USP9Y: variants seen among roughly 807,000 people sequenced by gnomAD.
USP9Y encodes ubiquitin specific peptidase 9 Y-linked, also known as ubiquitin carboxyl-terminal hydrolase 9Y.
In USP9Y, 41 loss-of-function variants were observed where a neutral mutation model predicts 53.1. That is an observed-to-expected ratio of 0.77 (90% CI 0.60 to 1.00). The LOEUF (loss-of-function observed/expected upper bound fraction) is 1.00. Ranked by LOEUF, USP9Y falls within the 50% of genes least tolerant of loss-of-function variation. USP9Y has a pLI of 0.00. For missense variants in USP9Y, 567 were observed against 535.8 expected (o/e 1.06, Z -0.58); for synonymous variants, 220 against 173.7 (o/e 1.27, Z -2.09).
intron 27 of USP9Y, among the ~76,000 whole-genome samples, chrY:12,800,008 C>T (rs111666238): frequency 3.0e-5 from 1 of 33,392 alleles, no homozygotes; most frequent in Non-Finnish European, 7.4e-5. Context: ...TCGCCTTCCA[C>T]CACTGCTGAA....
intron 40 of USP9Y, 51 bp from the exon 41 acceptor site, chrY:12,846,882 A>G: frequency 3.5e-6 from 1 of 286,455 alleles, no homozygotes. Context: ...TTATTATTAT[A>G]ATTTTGTGAG....
At chrY:12,737,105 G>A (rs2053452617) in intron 10 of USP9Y, among the ~76,000 whole-genome samples, 1 of 30,946 alleles carries the variant, frequency 3.2e-5, no homozygotes, top group Admixed American at 3.0e-4. Context: ...CTCCCAGGTA[G>A]CAGGGATTAC....
chrY:12,723,484 G>A (rs770519429), intron 5 of USP9Y, among the ~76,000 whole-genome samples: 1 of 26,814 alleles, frequency 3.7e-5, no homozygotes, highest in South Asian at 8.8e-4. Flanking sequence ...TTCGCCTCCT[G>A]GTTCATGCCA....
Position 12,757,395 on chromosome Y carries a change from C to G in USP9Y, c.1626C>G (p.Ser542=). 1 of 396,021 alleles carries G rather than the reference C, an allele frequency of 2.5e-6. No individual in the cohort carries two copies. The highest frequency in any genetic ancestry group is 3.6e-6 in the Non-Finnish European group (1 of 281,346). ...TAAAAATACTAGATTATAGTTGTTC[C>G]CAGGTATGGGAGTGTTTCTTTGTTC... ...AHIKILDYSC[S]QDRDAQKIQW... is the part of the protein sequence containing the mutation. The change falls in exon 13 of 46, where the codon TCC becomes TCG. Residue 542 remains serine, a synonymous_variant. Coordinates refer to ENST00000338981, the MANE Select transcript of USP9Y (RefSeq NM_004654.4).
intron 42 of USP9Y, among the ~76,000 whole-genome samples, chrY:12,855,562 G>A: frequency 3.0e-5 from 1 of 33,325 alleles, no homozygotes; most frequent in African/African-American, 1.2e-4. Flanking sequence ...GGGAAGAGTT[G>A]GCTATGTAAA....
intron 33 of USP9Y, among the ~76,000 whole-genome samples, chrY:12,821,869 G>A (rs2053542036): frequency 3.0e-5 from 1 of 32,978 alleles, no homozygotes; most frequent in African/African-American, 1.2e-4. Context: ...ATGAGATTTG[G>A]CCATATTGGC....
chrY:12,805,634 A>G, intron 27 of USP9Y, among the ~76,000 whole-genome samples: 1 of 33,426 alleles, frequency 3.0e-5, no homozygotes, highest in Non-Finnish European at 7.4e-5. Context: ...TAGTTGATGG[A>G]GCGTAGGTGG....
chrY:12,811,581 T>C, intron 29 of USP9Y, 54 bp from the exon 30 acceptor site: 1 of 383,871 alleles, frequency 2.6e-6, no homozygotes, highest in Non-Finnish European at 3.7e-6. Context: ...TAACTCCTTG[T>C]CCTTTTCTAT....
chrY:12,747,149 C>G, intron 12 of USP9Y, among the ~76,000 whole-genome samples: 1 of 33,844 alleles, frequency 3.0e-5, no homozygotes, highest in African/African-American at 1.2e-4. Flanking sequence ...AATTAGAACT[C>G]TTTTTATAGA....
chrY:12,827,465 T>C, intron 33 of USP9Y, among the ~76,000 whole-genome samples: 1 of 33,263 alleles, frequency 3.0e-5, no homozygotes, highest in Admixed American at 2.8e-4. Flanking sequence ...TAGTCAAAGA[T>C]TATCAGGCAT....
intron 12 of USP9Y, among the ~76,000 whole-genome samples, chrY:12,755,503 T>A: frequency 3.0e-5 from 1 of 33,083 alleles, no homozygotes; most frequent in Non-Finnish European, 7.4e-5. Flanking sequence ...ATACAAAGAA[T>A]CCCTGCTACC....
At chrY:12,740,049 T>G in intron 12 of USP9Y, among the ~76,000 whole-genome samples, 1 of 33,460 alleles carries the variant, frequency 3.0e-5, no homozygotes, top group Middle Eastern at 0.014. Context: ...ATAATGTCAC[T>G]TTTAAAGACA....
At chrY:12,745,077 C>T in intron 12 of USP9Y, among the ~76,000 whole-genome samples, 6 of 33,795 alleles carry the variant, frequency 1.8e-4, no homozygotes, top group African/African-American at 5.8e-4. Flanking sequence ...GTAAAAACTA[C>T]TAACGAAACT....
intron 7 of USP9Y, among the ~76,000 whole-genome samples, chrY:12,733,066 G>A: frequency 6.9e-5 from 2 of 29,157 alleles, no homozygotes; most frequent in African/African-American, 2.7e-4. Flanking sequence ...TTACAGACGT[G>A]CACCACCATG....
intron 34 of USP9Y, among the ~76,000 whole-genome samples, chrY:12,836,749 G>T: frequency 6.0e-5 from 2 of 33,492 alleles, no homozygotes; most frequent in African/African-American, 1.2e-4. Context: ...AGACACTCGA[G>T]TGCAGTGGTG....
At chrY:12,713,686 T>C in intron 3 of USP9Y, among the ~76,000 whole-genome samples, 1 of 32,617 alleles carries the variant, frequency 3.1e-5, no homozygotes, top group African/African-American at 1.2e-4. Flanking sequence ...ATCATTGCTT[T>C]GCTTATAGGT....
rs773487746 is a variant in USP9Y at position 12,838,049 on chromosome Y, A to G, written c.5334A>G (p.Lys1778=). The change falls in exon 35 of 46, where the codon AAA becomes AAG. Residue 1778 remains lysine, a synonymous_variant. Transcript: ENST00000338981. The part of the protein sequence containing the change: ...ANAYHCEKCD[K]KVDTVKRLLI... ...CATATCATTGTGAAAAATGTGATAA[A>G]AAGGTATTTTTTTTTACTTTTGAAA... 5.3e-6 allele frequency: 2 copies of G among 376,844 alleles called. No individual in the cohort carries two copies. The highest frequency in any genetic ancestry group is 6.1e-5 in the South Asian group (2 of 32,566). 94.0% of individuals were successfully genotyped at this position (376,844 alleles called of 400,897 possible).
chrY:12,747,616 A>G (rs763512253), intron 12 of USP9Y, among the ~76,000 whole-genome samples: 21 of 34,529 alleles, frequency 6.1e-4, no homozygotes, highest in African/African-American at 2.3e-3. Context: ...TTAAAACTTT[A>G]CAGAGAATGT....
chrY:12,825,301 G>C, intron 33 of USP9Y, among the ~76,000 whole-genome samples: 1 of 33,043 alleles, frequency 3.0e-5, no homozygotes, highest in African/African-American at 1.2e-4. Flanking sequence ...GTGTGTGTGA[G>C]CATTGATGTG....
Sources: allele counts gnomAD v4.1 joint callset (sites outside exome capture counted in the v4.1 genomes callset), GRCh38; gene constraint gnomAD v4.1.1; transcripts MANE v1.5; gene names NCBI Gene and HGNC (gene_info 2026-07-23, HGNC 2026-07-21).